The following MGAT4C variants were observed in gnomAD, a reference collection of about 807,000 sequenced individuals.
MGAT4C encodes the protein MGAT4 family member C.
MGAT4C carries 19 observed loss-of-function variants against 40.1 expected under a neutral mutation model. That is an observed-to-expected ratio of 0.47 (90% CI 0.33 to 0.70). MGAT4C has a LOEUF of 0.70. Among genes scored for constraint, MGAT4C ranks in the 30% least tolerant of loss-of-function variants. The pLI is 0.02. For missense variants in MGAT4C, 491 were observed against 563.2 expected (o/e 0.87, Z 1.30); for synonymous variants, 181 against 187.1 (o/e 0.97, Z 0.27).
chr12:86,485,070 C>T (rs146853826), intron 2 of MGAT4C, among the ~76,000 whole-genome samples: 1 of 152,246 alleles, frequency 6.6e-6, no homozygotes, highest in Non-Finnish European at 1.5e-5. Flanking sequence ...TGTATAAAGG[C>T]TTTTCCTTCT....
chr12:86,775,844 C>A (rs1465989222), intron 1 of MGAT4C, among the ~76,000 whole-genome samples: 1 of 128,636 alleles, frequency 7.8e-6, no homozygotes, highest in African/African-American at 2.8e-5. Context: ...CTTTTTTACC[C>A]TGAAATATAT....
At chr12:86,228,566 C>A (rs2136007354) in intron 1 of MGAT4C, among the ~76,000 whole-genome samples, 1 of 151,858 alleles carries the variant, frequency 6.6e-6, no homozygotes, top group South Asian at 2.1e-4. Flanking sequence ...CAAGAGAATT[C>A]TCACATTTAC....
At position 86,830,616 on chromosome 12, in the gene MGAT4C, C is replaced by A. The variant is rs1292038555; in HGVS notation, c.-262+8050G>T. ...AGGTCCAATCTACATAATGGTAGGACCTAGAGATTACTCATGTTTTTCGAA... is the reference window on the plus strand; with the variant it reads ...AGGTCCAATCTACATAATGGTAGGAACTAGAGATTACTCATGTTTTTCGAA... On this transcript the variant is annotated intron_variant, in intron 1 of 7. Coordinates refer to the MGAT4C transcript ENST00000548651. Among the ~76,000 whole-genome samples the A allele has an allele frequency of 2.0e-5, 3 of 151,768 alleles. No individual in the cohort carries two copies. The East Asian group carries it at 5.8e-4, about 29-fold the overall frequency.
intron 1 of MGAT4C, among the ~76,000 whole-genome samples, chr12:86,792,995 A>G (rs1952052430): frequency 6.6e-6 from 1 of 152,154 alleles, no homozygotes; most frequent in Non-Finnish European, 1.5e-5. Context: ...CAAGAAATCT[A>G]ATTAATAGGT....
In MGAT4C at chr12:86,689,270, C is replaced by T. The variant is rs1159626040; in HGVS notation, c.-229+37939G>A. Among the ~76,000 whole-genome samples, 3 of 152,124 alleles carry T rather than the reference C, an allele frequency of 2.0e-5. No homozygotes were observed. The East Asian group carries it at 5.8e-4, about 29-fold the overall frequency. On this transcript the variant is annotated intron_variant, in intron 2 of 7. Transcript: ENST00000548651. ...ACCTTTTGTCAAGGTTCTTAGCTTC[C>T]TTGCCCTGGGTTAGAACACGCTCCT... is the stretch of plus-strand genomic sequence containing the variant.
intron 4 of MGAT4C, among the ~76,000 whole-genome samples, chr12:86,308,217 T>C (rs1162456597): frequency 6.6e-6 from 1 of 150,630 alleles, no homozygotes; most frequent in Non-Finnish European, 1.5e-5. Flanking sequence ...TCTTTCCTAA[T>C]GAAATATCTT....
intron 2 of MGAT4C, among the ~76,000 whole-genome samples, chr12:86,634,332 TCA>T (rs1963151385): frequency 6.6e-6 from 1 of 152,122 alleles, no homozygotes; most frequent in South Asian, 2.1e-4. Flanking sequence ...CATCTATACT[TCA>T]GTTACCACAT....
intron 4 of MGAT4C, among the ~76,000 whole-genome samples, chr12:86,305,957 A>C (rs2136144737): frequency 6.6e-6 from 1 of 150,656 alleles, no homozygotes. Flanking sequence ...ACCCATCTTT[A>C]AAAGAAATTG....
chr12:86,484,729 G>C (rs370200555), intron 2 of MGAT4C, among the ~76,000 whole-genome samples: 25 of 152,246 alleles, frequency 1.6e-4, no homozygotes, highest in African/African-American at 6.0e-4. Flanking sequence ...CTGTCAGTCA[G>C]CCCGACAGCC....
chr12:85,983,799 T>C (rs1884902950), intron 3 of MGAT4C, 129 bp from the exon 4 acceptor site: 1 of 686,946 alleles, frequency 1.5e-6, no homozygotes, highest in South Asian at 3.6e-5. Flanking sequence ...AAATCTCAAC[T>C]ACTGACGTCA....
chr12:86,073,578 G>A (rs189413005), intron 1 of MGAT4C, among the ~76,000 whole-genome samples: 2 of 152,198 alleles, frequency 1.3e-5, no homozygotes, highest in East Asian at 3.9e-4. Context: ...TCAGGTTGAG[G>A]TAGTCTCAGA....
intron 2 of MGAT4C, among the ~76,000 whole-genome samples, chr12:86,028,532 G>A (rs1326555775): frequency 6.6e-5 from 10 of 151,832 alleles, no homozygotes; most frequent in African/African-American, 2.2e-4. Flanking sequence ...TTGAAGGCAA[G>A]AAATTAGGCC....
intron 2 of MGAT4C, among the ~76,000 whole-genome samples, chr12:86,623,321 T>C (rs1327509992): frequency 6.6e-6 from 1 of 152,142 alleles, no homozygotes; most frequent in Non-Finnish European, 1.5e-5. Flanking sequence ...TACTAGAATT[T>C]CCTACATTTT....
chr12:86,005,380 C>CA (rs1223885974), intron 2 of MGAT4C, among the ~76,000 whole-genome samples: 3 of 152,064 alleles, frequency 2.0e-5, no homozygotes, highest in African/African-American at 7.2e-5. Context: ...TAACAGAACA[C>CA]AATTGGAAAC....
At chr12:86,422,270 A>G (rs1956842275) in intron 3 of MGAT4C, among the ~76,000 whole-genome samples, 1 of 152,208 alleles carries the variant, frequency 6.6e-6, no homozygotes, top group Admixed American at 6.5e-5. Context: ...TAACTGAAGT[A>G]CAAAATTCTG....
intron 3 of MGAT4C, among the ~76,000 whole-genome samples, chr12:86,365,919 G>A (rs759279775): frequency 5.3e-5 from 8 of 152,136 alleles, no homozygotes; most frequent in Non-Finnish European, 1.2e-4. Context: ...TTCTAGTTCT[G>A]TGGAAAATGC....
At chr12:86,306,006 C>A (rs1953927057) in intron 4 of MGAT4C, among the ~76,000 whole-genome samples, 1 of 150,418 alleles carries the variant, frequency 6.6e-6, no homozygotes, top group Non-Finnish European at 1.5e-5. Flanking sequence ...TAATGTATAT[C>A]TCTCCTCTAT....
At chr12:86,653,948 A>T (rs1004231923) in intron 2 of MGAT4C, among the ~76,000 whole-genome samples, 2 of 152,012 alleles carry the variant, frequency 1.3e-5, no homozygotes, top group African/African-American at 4.8e-5. Flanking sequence ...TGCTAATAAG[A>T]AATTGAATAA....
intron 1 of MGAT4C, among the ~76,000 whole-genome samples, chr12:86,144,205 A>G (rs948745214): frequency 6.6e-6 from 1 of 152,208 alleles, no homozygotes; most frequent in Non-Finnish European, 1.5e-5. Context: ...TCCTGGTCCC[A>G]TATCAAGCCT....
Sources: allele counts gnomAD v4.1 joint callset (sites outside exome capture counted in the v4.1 genomes callset), GRCh38; gene constraint gnomAD v4.1.1; transcripts MANE v1.5; gene names NCBI Gene and HGNC (gene_info 2026-07-23, HGNC 2026-07-21).